Variants in C14orf93 observed in about 807,000 individuals in gnomAD.
C14orf93 encodes the protein uncharacterized protein C14orf93.
Under a neutral mutation model 44.0 loss-of-function variants are expected in C14orf93, and 23 were observed. The observed-to-expected ratio is 0.52, with a 90% CI of 0.38 to 0.74. The LOEUF is 0.74. Ranked by LOEUF, C14orf93 falls within the 30% of genes least tolerant of loss-of-function variation. The probability of loss-of-function intolerance (pLI) is 0.00; values close to 1 mark genes in which losing one functional copy is unlikely to be tolerated. For synonymous variants in C14orf93, 253 were observed against 265.7 expected (o/e 0.95, Z 0.46); for missense variants, 579 against 678.9 (o/e 0.85, Z 1.64).
rs1384051995 is a variant in C14orf93, at chr14:23,001,859, A to T, written c.-379-2457T>A. On this transcript the variant is annotated intron_variant, in intron 1 of 6. Coordinates refer to ENST00000299088, the MANE Select transcript of C14orf93 (RefSeq NM_021944.4). ...CAGGTTAAAAAAAAAAAAAAAAAAA[A>T]AAAAAAAAGGGCTGGGCGGTGGCTC... is the stretch of plus-strand genomic sequence containing the variant. 7.4e-5 allele frequency among the ~76,000 whole-genome samples: 11 copies of T among 149,328 alleles called. 1 individual carries two copies. In the South Asian group the frequency reaches 1.5e-3, roughly 20 times the overall value.
Position 22,986,674 on chromosome 14 carries a change from A to T in C14orf93, c.*541T>A, listed in dbSNP as rs74039809. On this transcript the variant is annotated 3_prime_UTR_variant, in exon 7 of 7. Transcript: ENST00000299088. ...ATAAACAATAGCTATTATATCAGGA[A>T]CCCAATTCCCCAATAGTGATAGAAC... 13,085 of 155,270 alleles carry T rather than the reference A, an allele frequency of 0.084. 1,891 individuals are homozygous for T. Among genetic ancestry groups the T allele is most frequent in the African/African-American group, 0.3 (12,319 of 41,490 alleles). 9.6% of individuals were successfully genotyped at this position (155,270 alleles called of 1,614,324 possible). A position where few individuals can be genotyped will look rare whatever the true frequency, so the allele number is the denominator to read the frequency against.
chr14:23,002,042 T>C (rs1189025454), intron 1 of C14orf93, among the ~76,000 whole-genome samples: 1 of 147,888 alleles, frequency 6.8e-6, no homozygotes, highest in South Asian at 2.1e-4. Context: ...CCAGCTACTC[T>C]GGAGGCTGAG....
chr14:22,987,702 T>C lies in C14orf93; in HGVS notation c.1198-68A>G. 2.0e-6 allele frequency: 3 copies of C among 1,482,340 alleles called. No individual in the cohort carries two copies. The South Asian group carries it at 4.0e-5, about 20-fold the overall frequency. The allele number at this position is 1,482,340 out of a possible 1,614,324, so 91.8% of individuals were successfully genotyped here. A position where few individuals can be genotyped will look rare whatever the true frequency, so the allele number is the denominator to read the frequency against. On this transcript the variant is annotated intron_variant, in intron 6 of 6. Transcript: ENST00000299088. The surrounding 1 kb of genome is among the most constrained non-coding windows in gnomAD (Gnocchi z 5.6). The stretch of plus-strand genomic sequence containing the variant: ...CTATGGATTAGATTTGGGGAAAAGG[T>C]TTGGTGGGGAAGGCTGTGTAAAATC...
intron 1 of C14orf93, among the ~76,000 whole-genome samples, chr14:23,008,154 CAA>C (rs55936083): frequency 0.12 from 10,077 of 83,044 alleles, 121 homozygotes; most frequent in Non-Finnish European, 0.18. Flanking sequence ...AACTCCGTTT[CAA>C]AAAAAAAAAA....
At chr14:22,991,917 G>A (rs1341760656) in intron 3 of C14orf93, among the ~76,000 whole-genome samples, 1 of 152,130 alleles carries the variant, frequency 6.6e-6, no homozygotes, top group Non-Finnish European at 1.5e-5. Flanking sequence ...CAAAAGCCCC[G>A]GGTTTGTCTG....
intron 4 of C14orf93, 86 bp from the exon 5 acceptor site, chr14:22,989,931 G>A: frequency 6.9e-7 from 1 of 1,458,980 alleles, no homozygotes; most frequent in Middle Eastern, 1.7e-4. Flanking sequence ...TCAACTTTGT[G>A]GCAAATCCCT....
At chr14:23,001,978 C>A (rs2046327259) in intron 1 of C14orf93, among the ~76,000 whole-genome samples, 1 of 150,976 alleles carries the variant, frequency 6.6e-6, no homozygotes, top group African/African-American at 2.4e-5. Flanking sequence ...GAAACCCCGT[C>A]TCTACTAAAA....
intron 3 of C14orf93, 108 bp downstream of exon 3, chr14:22,995,840 T>C: frequency 9.4e-7 from 1 of 1,061,682 alleles, no homozygotes; most frequent in South Asian, 1.9e-5. Context: ...TCTGGTAGGA[T>C]TCAGTACAGC....
At chr14:23,007,096 C>T (rs2046656924) in intron 1 of C14orf93, 1 of 152,268 alleles carries the variant, frequency 6.6e-6, no homozygotes, top group Non-Finnish European at 1.5e-5. Flanking sequence ...TAGGCAGAGG[C>T]GGAGGCGGGC....
At chr14:23,009,564 G>C (rs997261355) in intron 1 of C14orf93, among the ~76,000 whole-genome samples, 11 of 152,152 alleles carry the variant, frequency 7.2e-5, no homozygotes, top group African/African-American at 2.4e-4. Context: ...CCCTTCCCTA[G>C]GGAAATGAAT....
At chr14:23,001,488 G>A (rs1052945148) in intron 1 of C14orf93, among the ~76,000 whole-genome samples, 41 of 151,858 alleles carry the variant, frequency 2.7e-4, no homozygotes, top group Middle Eastern at 3.2e-3. Flanking sequence ...TTTTTGAGAC[G>A]GAGTCTCGCT....
At chr14:23,001,025 GCTAAACCT>G (rs1339214021) in intron 1 of C14orf93, 1 of 152,190 alleles carries the variant, frequency 6.6e-6, no homozygotes, top group Non-Finnish European at 1.5e-5. Context: ...GGGAGGCACA[GCTAAACCT>G]GAAACTAAAG....
At position 22,999,328 on chromosome 14, in the gene C14orf93, C is replaced by G. The variant is rs1407507254; in HGVS notation, c.-305G>C. 1 of 248,080 alleles carries G rather than the reference C, an allele frequency of 4.0e-6. No individual in the cohort carries two copies. The highest frequency in any genetic ancestry group is 7.7e-6 in the Non-Finnish European group (1 of 129,354). The allele number at this position is 248,080 out of a possible 1,614,324, so 15.4% of individuals were successfully genotyped here. ...TTTCAGACGGTAGAGAGCATTCCTT[C>G]TGCCCCCCAGCATGGAACCCCCGAC... On this transcript the variant is annotated 5_prime_UTR_variant, in exon 2 of 7. Coordinates refer to ENST00000299088, the MANE Select transcript of C14orf93 (RefSeq NM_021944.4).
At chr14:23,006,010 T>C (rs1365464807) in intron 1 of C14orf93, 1 of 152,236 alleles carries the variant, frequency 6.6e-6, no homozygotes, top group African/African-American at 2.4e-5. Context: ...ATTTAATAGA[T>C]GTGTATGATA....
At chr14:22,999,744 C>T (rs537791684) in intron 1 of C14orf93, among the ~76,000 whole-genome samples, 2 of 152,288 alleles carry the variant, frequency 1.3e-5, no homozygotes, top group African/African-American at 4.8e-5. Context: ...ATTCTACCCT[C>T]TCTGTAATTT....
intron 1 of C14orf93, among the ~76,000 whole-genome samples, chr14:23,007,522 C>T (rs1009271096): frequency 6.6e-6 from 1 of 152,200 alleles, no homozygotes; most frequent in Non-Finnish European, 1.5e-5. Context: ...TTAGCAGCTC[C>T]TCACAGTTCA....
At chr14:22,997,415 CTTG>C (rs1318291226) in intron 2 of C14orf93, among the ~76,000 whole-genome samples, 1 of 152,064 alleles carries the variant, frequency 6.6e-6, no homozygotes, top group Non-Finnish European at 1.5e-5. Flanking sequence ...GTGTCTATGT[CTTG>C]TTGTGGGGGG....
intron 3 of C14orf93, among the ~76,000 whole-genome samples, 186 bp downstream of exon 3, chr14:22,995,762 C>T (rs1304874413): frequency 2.0e-5 from 3 of 150,946 alleles, no homozygotes; most frequent in Non-Finnish European, 2.9e-5. Flanking sequence ...AGCCTAAAAG[C>T]TTGATGTTTA....
intron 3 of C14orf93, among the ~76,000 whole-genome samples, chr14:22,995,679 CAA>C (rs58710730): frequency 5.1e-3 from 229 of 44,988 alleles, no homozygotes; most frequent in South Asian, 0.011. Flanking sequence ...GACTCTGACT[CAA>C]AAAAAAAAAA....
Sources: gnomAD v4.1 joint callset for allele counts (sites outside exome capture counted in the v4.1 genomes callset) on GRCh38, gnomAD v4.1.1 for gene constraint, Gnocchi (gnomAD v3.1) non-coding constraint, MANE v1.5 for transcripts, NCBI Gene and HGNC (gene_info 2026-07-23, HGNC 2026-07-21) for gene names.